Variants in CDON observed in about 807,000 individuals in gnomAD.
The protein encoded by CDON is cell adhesion associated, oncogene regulated.
Under a neutral mutation model 120.9 loss-of-function variants are expected in CDON, and 73 were observed. That is an observed-to-expected ratio of 0.60 (90% CI 0.50 to 0.73). CDON has a LOEUF of 0.73. Among genes scored for constraint, CDON ranks in the 30% least tolerant of loss-of-function variants. The pLI, the probability that CDON is intolerant of heterozygous loss-of-function variation, is 0.00. For synonymous variants in CDON, 566 were observed against 573.5 expected (o/e 0.99, Z 0.19); for missense variants, 1,470 against 1,587.3 (o/e 0.93, Z 1.26).
At chr11:126,016,124 A>C (rs1947461233) in intron 6 of CDON, among the ~76,000 whole-genome samples, 1 of 152,230 alleles carries the variant, frequency 6.6e-6, no homozygotes, top group African/African-American at 2.4e-5. Context: ...TGTTAATTCC[A>C]GTGTTGCTAA....
At chr11:126,029,503 T>C (rs374949444) in intron 1 of CDON, among the ~76,000 whole-genome samples, 5 of 152,328 alleles carry the variant, frequency 3.3e-5, no homozygotes, top group African/African-American at 1.2e-4. Flanking sequence ...TAAATTGCCA[T>C]TCATTTCAAA....
At chr11:126,017,922 C>G (rs1947518051) in intron 5 of CDON, among the ~76,000 whole-genome samples, 1 of 151,724 alleles carries the variant, frequency 6.6e-6, no homozygotes, top group Non-Finnish European at 1.5e-5. Context: ...TTTTTTAAGA[C>G]AGAGTCACAT....
intron 15 of CDON, among the ~76,000 whole-genome samples, chr11:125,988,287 T>C (rs1277372919): frequency 6.6e-6 from 1 of 152,210 alleles, no homozygotes; most frequent in East Asian, 1.9e-4. Context: ...TTAAAGGTGA[T>C]GCCCAGAACT....
At chr11:126,046,412 C>T (rs1010266547) in intron 1 of CDON, among the ~76,000 whole-genome samples, 6 of 152,168 alleles carry the variant, frequency 3.9e-5, no homozygotes, top group Admixed American at 3.9e-4. Context: ...TACTGTGCTG[C>T]TCTGAAGACC....
intron 9 of CDON, among the ~76,000 whole-genome samples, chr11:126,004,899 C>T (rs1321671839): frequency 6.6e-6 from 1 of 152,182 alleles, no homozygotes; most frequent in Non-Finnish European, 1.5e-5. Context: ...TTCCATTCTG[C>T]TCCAACACAA....
intron 2 of CDON, among the ~76,000 whole-genome samples, chr11:126,023,158 TA>T (rs964345211): frequency 4.2e-4 from 60 of 142,996 alleles, no homozygotes; most frequent in African/African-American, 9.5e-4. Context: ...TATTTTTTTT[TA>T]AAAAATGAAA....
At chr11:125,984,805 A>G (rs1194782445) in intron 15 of CDON, among the ~76,000 whole-genome samples, 1 of 152,150 alleles carries the variant, frequency 6.6e-6, no homozygotes, top group Non-Finnish European at 1.5e-5. Flanking sequence ...TTATGCTTCT[A>G]CCATGTATAT....
At chr11:126,027,068 T>A (rs918484716) in intron 1 of CDON, among the ~76,000 whole-genome samples, 8 of 152,212 alleles carry the variant, frequency 5.3e-5, no homozygotes, top group African/African-American at 1.7e-4. Flanking sequence ...TCTATCTTTC[T>A]ATTGGGTTAC....
At chr11:126,041,867 A>G (rs1284007453) in intron 1 of CDON, among the ~76,000 whole-genome samples, 1 of 152,180 alleles carries the variant, frequency 6.6e-6, no homozygotes, top group African/African-American at 2.4e-5. Context: ...CCCTGTCAAT[A>G]TTAGGCAATA....
intron 11 of CDON, among the ~76,000 whole-genome samples, chr11:126,000,487 C>T (rs1332858123): frequency 2.6e-5 from 4 of 152,206 alleles, no homozygotes; most frequent in Non-Finnish European, 5.9e-5. Flanking sequence ...GCATTACAGG[C>T]GTGAGCCACT....
chr11:126,036,583 C>A (rs1344891167), intron 1 of CDON, among the ~76,000 whole-genome samples: 1 of 152,176 alleles, frequency 6.6e-6, no homozygotes, highest in Non-Finnish European at 1.5e-5. Context: ...CCTGTATATA[C>A]CCTTGTAGGC....
intron 8 of CDON, among the ~76,000 whole-genome samples, chr11:126,009,919 G>T (rs1156631876): frequency 1.3e-5 from 2 of 151,932 alleles, no homozygotes; most frequent in African/African-American, 4.8e-5. Flanking sequence ...TAAGACACAG[G>T]GAATATATAC....
intron 4 of CDON, among the ~76,000 whole-genome samples, chr11:126,019,101 T>G (rs1021034282): frequency 1.3e-5 from 2 of 152,182 alleles, no homozygotes; most frequent in African/African-American, 4.8e-5. Flanking sequence ...CTGCACTGTC[T>G]AGTCATTCAT....
Position 126,023,524 on chromosome 11 carries a change from C to T in CDON, c.-48G>A, listed in dbSNP as rs374433009. The T allele has an allele frequency of 1.3e-3, 1,756 of 1,314,048 alleles. 3 individuals carry two copies. The highest frequency in any genetic ancestry group is 1.9e-3 in the Non-Finnish European group (1,688 of 906,260). The allele number at this position is 1,314,048 out of a possible 1,614,324, so 81.4% of individuals were successfully genotyped here. A position where few individuals can be genotyped will look rare whatever the true frequency, so the allele number is the denominator to read the frequency against. On this transcript the variant is annotated 5_prime_UTR_variant, in exon 2 of 20. Coordinates refer to ENST00000531738, the MANE Select transcript of CDON (RefSeq NM_001378964.1). ...CAGGACAGGCTTCCAGAGCAAAACC[C>T]AGTCCTTGGTTCACTAAAAAAGAAA...
At chr11:126,055,136 T>C (rs1385560638) in intron 1 of CDON, among the ~76,000 whole-genome samples, 3 of 152,224 alleles carry the variant, frequency 2.0e-5, no homozygotes, top group Non-Finnish European at 4.4e-5. Context: ...ATCAATGATC[T>C]GGAAGGGGGC....
At chr11:125,987,178 A>C (rs1383332732) in intron 15 of CDON, among the ~76,000 whole-genome samples, 1 of 152,232 alleles carries the variant, frequency 6.6e-6, no homozygotes, top group East Asian at 1.9e-4. Flanking sequence ...TGCTAAAGTT[A>C]AAAACTGAGG....
At chr11:126,000,014 A>G (rs12790407) in intron 11 of CDON, among the ~76,000 whole-genome samples, 25,839 of 152,206 alleles carry the variant, frequency 0.17, 2,734 homozygotes, top group Admixed American at 0.23. Context: ...TTTGAAGTTT[A>G]GCTTATGATG....
In CDON at chr11:125,982,978, C is replaced by A. The variant is rs1360370010; in HGVS notation, c.2995+894G>T. Among the ~76,000 whole-genome samples, 3 of 152,314 alleles carry A rather than the reference C, an allele frequency of 2.0e-5. No homozygotes were observed. In the East Asian group the frequency reaches 5.8e-4, roughly 29 times the overall value. ...TCAGCCTGATGCAGCCACCATCTCTCCCCCTATCTCTTGGAAGGCATCATT... is the reference window on the plus strand; with the variant it reads ...TCAGCCTGATGCAGCCACCATCTCTACCCCTATCTCTTGGAAGGCATCATT... On this transcript the variant is annotated intron_variant, in intron 16 of 19. Coordinates refer to ENST00000531738, the MANE Select transcript of CDON (RefSeq NM_001378964.1).
chr11:125,991,656 T>TA lies in CDON; in HGVS notation c.2651-1898dup, dbSNP rs754188695. Among the ~76,000 whole-genome samples the TA allele has an allele frequency of 2.8e-3, 403 of 144,980 alleles. 1 individual carries two copies. The highest frequency in any genetic ancestry group is 0.014 in the Middle Eastern group (4 of 282). On this transcript the variant is annotated intron_variant, in intron 14 of 19. Transcript: ENST00000531738. ...GTCAATTCACAAGTCATCTAAAACT[T>TA]AAAAAAAAAAAACTTTAAGTACAAA...
Sources: allele counts gnomAD v4.1 joint callset (sites outside exome capture counted in the v4.1 genomes callset), GRCh38; gene constraint gnomAD v4.1.1; transcripts MANE v1.5; gene names NCBI Gene and HGNC (gene_info 2026-07-23, HGNC 2026-07-21).